FAM83B: variants seen among roughly 807,000 people sequenced by gnomAD.
The protein encoded by FAM83B is scaffolding CK1 anchoring protein B, also known as protein FAM83B.
FAM83B carries 26 observed loss-of-function variants against 38.8 expected under a neutral mutation model. The ratio of observed to expected loss-of-function variants is 0.67; its 90% CI spans 0.49 to 0.93. FAM83B has a LOEUF of 0.93. Ranked by LOEUF, FAM83B falls within the 40% of genes least tolerant of loss-of-function variation. The pLI is 0.00. For missense variants in FAM83B, 1,237 were observed against 1,197.3 expected (o/e 1.03, Z -0.49); for synonymous variants, 419 against 423.1 (o/e 0.99, Z 0.12).
chr6:54,924,601 C>G (rs1006466485), intron 2 of FAM83B, among the ~76,000 whole-genome samples: 9 of 151,740 alleles, frequency 5.9e-5, no homozygotes, highest in Non-Finnish European at 1.2e-4. Flanking sequence ...TCCACCTGCC[C>G]TGTGTTTCCT....
intron 1 of FAM83B, among the ~76,000 whole-genome samples, chr6:54,857,141 G>A (rs17682340): frequency 0.04 from 6,022 of 152,074 alleles, 120 homozygotes; most frequent in Middle Eastern, 0.075. Flanking sequence ...ATAGACTTTC[G>A]CACTATTTTA....
intron 2 of FAM83B, among the ~76,000 whole-genome samples, chr6:54,897,002 A>C (rs146767774): frequency 5.9e-4 from 90 of 152,324 alleles, no homozygotes; most frequent in African/African-American, 2.0e-3. Context: ...TACTATGAAA[A>C]TACATTTGAC....
At chr6:54,936,460 G>C (rs1773527118) in intron 4 of FAM83B, among the ~76,000 whole-genome samples, 1 of 151,796 alleles carries the variant, frequency 6.6e-6, no homozygotes, top group African/African-American at 2.4e-5. Context: ...TACTACAATA[G>C]TACTACAAAT....
chr6:54,870,416 C>T lies in FAM83B; in HGVS notation c.170C>T (p.Ala57Val), dbSNP rs762591829. The T allele has an allele frequency of 6.2e-7, 1 of 1,613,934 alleles. No individual in the cohort carries two copies. The highest frequency in any genetic ancestry group is 2.2e-5 in the East Asian group (1 of 44,868). ...CAGGAACGAGTTTCAGACTTTCTTGCTGAGGAAGAAATTAATTATATTTTG... is the reference window on the plus strand; with the variant it reads ...CAGGAACGAGTTTCAGACTTTCTTGTTGAGGAAGAAATTAATTATATTTTG... ...LVQERVSDFL[A>V]EEEINYILKN... is the part of the protein sequence containing the mutation. Residue 57 changes from alanine to valine, a missense_variant, in exon 2 of 5, where the codon GCT becomes GTT. Physicochemically the swap from Ala to Val is moderately conservative, Grantham distance 64. Transcript: ENST00000306858.
intron 2 of FAM83B, among the ~76,000 whole-genome samples, chr6:54,909,813 G>C (rs1262237972): frequency 1.3e-5 from 2 of 152,090 alleles, no homozygotes; most frequent in Non-Finnish European, 2.9e-5. Context: ...ATTGGCAAAG[G>C]CTTTATGAAG....
At chr6:54,908,227 G>A (rs1324693164) in intron 2 of FAM83B, among the ~76,000 whole-genome samples, 3 of 149,574 alleles carry the variant, frequency 2.0e-5, no homozygotes, top group Non-Finnish European at 4.4e-5. Flanking sequence ...TAGTGATTTC[G>A]TTCACTCTCA....
intron 2 of FAM83B, among the ~76,000 whole-genome samples, chr6:54,886,753 T>C (rs982370545): frequency 1.3e-5 from 2 of 151,982 alleles, no homozygotes; most frequent in African/African-American, 4.8e-5. Flanking sequence ...TTTTCTTTTT[T>C]CTATTTTACG....
chr6:54,851,407 A>G (rs577598557), intron 1 of FAM83B, among the ~76,000 whole-genome samples: 19 of 149,978 alleles, frequency 1.3e-4, no homozygotes, highest in African/African-American at 4.2e-4. Context: ...TCATACTTCT[A>G]TTTATTTGTC....
Position 54,939,684 on chromosome 6 carries a change from A to T in FAM83B, c.735-22A>T, listed in dbSNP as rs201889250. The T allele has an allele frequency of 5.8e-3, 9,003 of 1,539,348 alleles. 49 individuals are homozygous for T. Among genetic ancestry groups the T allele is most frequent in the Middle Eastern group, 0.013 (75 of 5,692 alleles). Reference sequence around the variant, plus strand: ...ATTATCAATCTTTTAAATGATTAAAATTTTTCCATTTTTTTCCCCAGTTAT... The same window carrying T: ...ATTATCAATCTTTTAAATGATTAAATTTTTTCCATTTTTTTCCCCAGTTAT... On this transcript the variant is annotated intron_variant, in intron 4 of 4. Transcript: ENST00000306858.
chr6:54,849,977 T>C (rs1771234379), intron 1 of FAM83B, among the ~76,000 whole-genome samples: 1 of 152,174 alleles, frequency 6.6e-6, no homozygotes, highest in Admixed American at 6.5e-5. Context: ...TTTGTGCTCT[T>C]TTACACTATC....
intron 2 of FAM83B, among the ~76,000 whole-genome samples, chr6:54,897,836 AAT>A (rs1221652078): frequency 1.3e-5 from 2 of 152,288 alleles, no homozygotes; most frequent in Admixed American, 6.5e-5. Flanking sequence ...TTTATTTTCT[AAT>A]CAGCAACCTT....
intron 2 of FAM83B, among the ~76,000 whole-genome samples, chr6:54,920,088 A>G (rs1773137110): frequency 6.6e-6 from 1 of 151,968 alleles, no homozygotes; most frequent in African/African-American, 2.4e-5. Flanking sequence ...AGTATATTAT[A>G]TATAAATTTC....
intron 4 of FAM83B, among the ~76,000 whole-genome samples, chr6:54,932,815 GAA>G (rs1561929682): frequency 6.6e-6 from 1 of 152,126 alleles, no homozygotes; most frequent in East Asian, 1.9e-4. Context: ...TTTCTGCTGA[GAA>G]AGTCACTGAT....
At chr6:54,939,088 A>G (rs760636254) in intron 4 of FAM83B, among the ~76,000 whole-genome samples, 5 of 152,230 alleles carry the variant, frequency 3.3e-5, no homozygotes, top group African/African-American at 9.6e-5. Flanking sequence ...TGGCTTGCCA[A>G]TTATTCCAGT....
In FAM83B at chr6:54,870,503, C is replaced by T; in HGVS notation, c.257C>T (p.Thr86Ile). ...GGTACTGATGATTCCTGTGATGATA[C>T]CTTATCTTCAGGGACCTACTGGCCT... ...AHGTDDSCDD[T>I]LSSGTYWPVE... is the part of the protein sequence containing the mutation. Residue 86 changes from threonine to isoleucine, a missense_variant, in exon 2 of 5, where the codon ACC becomes ATC. By Grantham distance (89) the Thr-to-Ile change is moderately conservative. Coordinates refer to ENST00000306858, the MANE Select transcript of FAM83B (RefSeq NM_001010872.3). 6.2e-7 allele frequency: 1 copy of T among 1,613,840 alleles called. No homozygotes were observed. The highest frequency in any genetic ancestry group is 1.1e-5 in the South Asian group (1 of 91,068).
Position 54,851,646 on chromosome 6 carries a change from T to G in FAM83B, c.-61+4820T>G, listed in dbSNP as rs1253469971. 4.6e-5 allele frequency among the ~76,000 whole-genome samples: 5 copies of G among 107,736 alleles called. No individual in the cohort carries two copies. The East Asian group carries it at 7.0e-4, about 15-fold the overall frequency. The allele number at this position is 107,736 out of a possible 152,430, so 70.7% of individuals were successfully genotyped here. On this transcript the variant is annotated intron_variant, in intron 1 of 4. Transcript: ENST00000306858. ...CGCTACCATGCCCGGCTAATTTTTGTGTTTTTTTTTTTTTTTTTTGAGACG... is the reference window on the plus strand; with the variant it reads ...CGCTACCATGCCCGGCTAATTTTTGGGTTTTTTTTTTTTTTTTTTGAGACG...
chr6:54,896,089 A>G lies in FAM83B; in HGVS notation c.444+25399A>G, dbSNP rs568850830. Among the ~76,000 whole-genome samples the G allele has an allele frequency of 3.9e-5, 6 of 152,098 alleles. No homozygotes were observed. The East Asian group carries it at 9.8e-4, about 25-fold the overall frequency. On this transcript the variant is annotated intron_variant, in intron 2 of 4. Coordinates refer to ENST00000306858, the MANE Select transcript of FAM83B (RefSeq NM_001010872.3). ...GTATTTTTAGTAGAGACAGGGTTTC[A>G]CCATGTTGGCCTGGCTGGTCTCAAA...
intron 1 of FAM83B, among the ~76,000 whole-genome samples, chr6:54,854,230 C>T (rs1771385341): frequency 6.6e-6 from 1 of 152,050 alleles, no homozygotes; most frequent in Non-Finnish European, 1.5e-5. Flanking sequence ...GTTAAAGTGA[C>T]AACAAAGAAT....
intron 1 of FAM83B, among the ~76,000 whole-genome samples, chr6:54,850,739 G>A (rs1170824269): frequency 6.6e-6 from 1 of 151,960 alleles, no homozygotes; most frequent in South Asian, 2.1e-4. Context: ...ATATTTTAAC[G>A]GCTGGAAATA....
Sources: gnomAD v4.1 joint callset for allele counts (sites outside exome capture counted in the v4.1 genomes callset) on GRCh38, gnomAD v4.1.1 for gene constraint, MANE v1.5 for transcripts, NCBI Gene and HGNC (gene_info 2026-07-23, HGNC 2026-07-21) for gene names.